The following ASCC1 variants were observed in gnomAD, a reference collection of about 807,000 sequenced individuals.
ASCC1 encodes the protein activating signal cointegrator 1 complex subunit 1.
A neutral mutation model predicts 46.6 loss-of-function variants in ASCC1; 35 were observed. The ratio of observed to expected loss-of-function variants is 0.75; its 90% confidence interval spans 0.57 to 0.99. The LOEUF (loss-of-function observed/expected upper bound fraction) is 0.99, where lower values mean the gene tolerates loss of function less well. Among genes scored for constraint, ASCC1 ranks in the 50% least tolerant of loss-of-function variants. ASCC1 has a pLI of 0.00. For missense variants in ASCC1, 376 were observed against 428.7 expected, an observed-to-expected ratio of 0.88 and a Z score of 1.09; for synonymous variants, 143 against 146.6, an observed-to-expected ratio of 0.98 and a Z score of 0.18.
At chr10:72,174,864 G>C (rs1434848652) in intron 5 of ASCC1, among the ~76,000 whole-genome samples, 2 of 152,104 alleles carry the variant, frequency 1.3e-5, no homozygotes, top group Admixed American at 1.3e-4. Flanking sequence ...GTAAGTCAAA[G>C]GACCTACAAA....
In ASCC1 at chr10:72,182,970, T is replaced by C. The variant is rs575120348; in HGVS notation, c.489+13841A>G. Among the ~76,000 whole-genome samples the C allele has an allele frequency of 3.3e-5, 5 of 151,804 alleles. No individual in the cohort carries two copies. The South Asian group carries it at 1.0e-3, about 32-fold the overall frequency. ...TATGGTATATTCCTTATACTATCTTTATACAAATTTTTCTACATTGAAATT... is the reference window on the plus strand; with the variant it reads ...TATGGTATATTCCTTATACTATCTTCATACAAATTTTTCTACATTGAAATT... On this transcript the variant is annotated intron_variant, in intron 5 of 9. Transcript: ENST00000672957.
At chr10:72,204,137 TA>T (rs1298213038) in intron 3 of ASCC1, among the ~76,000 whole-genome samples, 57 of 152,216 alleles carry the variant, frequency 3.7e-4, no homozygotes, top group Non-Finnish European at 5.7e-4. Context: ...TAATCCCAGC[TA>T]CTTGGGAGGC....
chr10:72,157,968 A>C (rs916131850), intron 6 of ASCC1, among the ~76,000 whole-genome samples: 2 of 152,138 alleles, frequency 1.3e-5, no homozygotes, highest in East Asian at 1.9e-4. Flanking sequence ...ATGGTTTCTA[A>C]ATCTCTGACT....
At chr10:72,177,202 C>A (rs1308634365) in intron 5 of ASCC1, among the ~76,000 whole-genome samples, 2 of 152,106 alleles carry the variant, frequency 1.3e-5, no homozygotes, top group Non-Finnish European at 2.9e-5. Flanking sequence ...ATATATGAAT[C>A]TTGTAAATAT....
intron 9 of ASCC1, among the ~76,000 whole-genome samples, chr10:72,118,671 C>G (rs1843794489): frequency 6.6e-6 from 1 of 150,626 alleles, no homozygotes; most frequent in Admixed American, 6.6e-5. Context: ...CCCAGCTACT[C>G]AGGATGCTGA....
chr10:72,145,412 G>T (rs1457028701), intron 7 of ASCC1, among the ~76,000 whole-genome samples: 2 of 152,080 alleles, frequency 1.3e-5, no homozygotes, highest in African/African-American at 4.8e-5. Flanking sequence ...TTGCCATGGG[G>T]CTTTTGCTCT....
rs117619241 is a variant in ASCC1, at chr10:72,173,806, G to A, written c.490-12132C>T. On this transcript the variant is annotated intron_variant, in intron 5 of 9. Transcript: ENST00000672957. ...TTCACTGAGATGAATGAAGACCAAC[G>A]AACATCAAATTCTTTACTGCAGGGG... is the stretch of plus-strand genomic sequence containing the variant. Among the ~76,000 whole-genome samples, 1,009 of 152,234 alleles carry A rather than the reference G, an allele frequency of 6.6e-3. 5 individuals carry two copies. The highest frequency in any genetic ancestry group is 9.9e-3 in the Non-Finnish European group (672 of 68,010).
chr10:72,170,098 C>T (rs1170930152), intron 5 of ASCC1, among the ~76,000 whole-genome samples: 4 of 149,704 alleles, frequency 2.7e-5, no homozygotes, highest in Non-Finnish European at 4.4e-5. Context: ...AAAGCCTGGG[C>T]GACAAGAGTG....
At chr10:72,098,107 G>C (rs1841302507) in intron 9 of ASCC1, among the ~76,000 whole-genome samples, 1 of 152,134 alleles carries the variant, frequency 6.6e-6, no homozygotes, top group African/African-American at 2.4e-5. Flanking sequence ...AATACTTTTT[G>C]CTATGATCCT....
At chr10:72,188,580 T>C (rs1853872483) in intron 5 of ASCC1, among the ~76,000 whole-genome samples, 1 of 152,182 alleles carries the variant, frequency 6.6e-6, no homozygotes, top group Non-Finnish European at 1.5e-5. Flanking sequence ...AGAAAAGATC[T>C]TGTAAAAGTT....
intron 9 of ASCC1, among the ~76,000 whole-genome samples, chr10:72,103,125 CTA>C (rs1233416988): frequency 5.3e-5 from 8 of 151,822 alleles, no homozygotes; most frequent in Admixed American, 2.6e-4. Flanking sequence ...GAAATAGATA[CTA>C]TGTTTTTTTT....
At chr10:72,216,871 A>C (rs187780900), upstream of ASCC1, 223 of 456,110 alleles carry the variant, frequency 4.9e-4, no homozygotes, top group African/African-American at 3.8e-3. Context: ...TGTTTGACAA[A>C]ATTTTACTGG....
chr10:72,150,619 TAG>T (rs1334228023), intron 7 of ASCC1, among the ~76,000 whole-genome samples: 1 of 152,206 alleles, frequency 6.6e-6, no homozygotes, highest in Non-Finnish European at 1.5e-5. Flanking sequence ...GGGAGGGATG[TAG>T]GTGTAGTAAG....
intron 5 of ASCC1, among the ~76,000 whole-genome samples, chr10:72,183,923 C>T (rs940852916): frequency 1.3e-5 from 2 of 152,042 alleles, no homozygotes; most frequent in African/African-American, 4.8e-5. Context: ...GAGGGCAGAT[C>T]GCCTGAGGTC....
chr10:72,129,707 G>A (rs1267372331), intron 8 of ASCC1, among the ~76,000 whole-genome samples: 2 of 152,066 alleles, frequency 1.3e-5, no homozygotes, highest in Non-Finnish European at 2.9e-5. Context: ...TCAGGAGGCT[G>A]AGGCAAGAGA....
At position 72,196,867 on chromosome 10, in the gene ASCC1, C is replaced by G; in HGVS notation, c.433G>C (p.Glu145Gln). 6.2e-7 allele frequency: 1 copy of G among 1,613,536 alleles called. No individual in the cohort carries two copies. Among genetic ancestry groups the G allele is most frequent in the Non-Finnish European group, 8.5e-7 (1 of 1,179,978 alleles). ...AATCTCAGGAATCCTTCCTGAACCTCAACTTCATTGAGGAAAAAGGCAAGG... is the reference window on the plus strand; with the variant it reads ...AATCTCAGGAATCCTTCCTGAACCTGAACTTCATTGAGGAAAAAGGCAAGG... Reference protein sequence around the residue: ...HFLAFFLNEVEVQEGFLRFQE... With the variant: ...HFLAFFLNEVQVQEGFLRFQE... The change falls in exon 5 of 10, where the codon GAG (glutamate) becomes CAG (glutamine). Residue 145 changes from glutamate to glutamine, a missense_variant. Glu to Gln is a conservative substitution (Grantham distance 29, BLOSUM62 2). Transcript: ENST00000672957.
intron 9 of ASCC1, among the ~76,000 whole-genome samples, chr10:72,099,723 G>A (rs552602912): frequency 6.6e-6 from 1 of 152,272 alleles, no homozygotes; most frequent in Admixed American, 6.5e-5. Context: ...GGGAGACTGA[G>A]GGAGGAGAAT....
intron 5 of ASCC1, among the ~76,000 whole-genome samples, chr10:72,165,322 G>A (rs1850204400): frequency 6.6e-6 from 1 of 152,062 alleles, no homozygotes; most frequent in Non-Finnish European, 1.5e-5. Context: ...CTCCATGTTG[G>A]TCAGGCTGGT....
intron 4 of ASCC1, among the ~76,000 whole-genome samples, chr10:72,201,331 T>C (rs537618254): frequency 1.9e-3 from 290 of 152,270 alleles, no homozygotes; most frequent in Middle Eastern, 3.4e-3. Context: ...TATTCTCACA[T>C]AACATAAAAT....
Sources: allele counts gnomAD v4.1 joint callset (sites outside exome capture counted in the v4.1 genomes callset), GRCh38; gene constraint gnomAD v4.1.1; transcripts MANE v1.5; gene names NCBI Gene and HGNC (gene_info 2026-07-23, HGNC 2026-07-21).